Variants in CACNA1C observed in about 807,000 individuals in gnomAD.
The protein encoded by CACNA1C is voltage-dependent L-type calcium channel subunit alpha-1C.
A neutral mutation model predicts 229.0 loss-of-function variants in CACNA1C; 30 were observed. The observed-to-expected ratio is 0.13, with a 90% CI of 0.10 to 0.18. The LOEUF (loss-of-function observed/expected upper bound fraction) is 0.18, where lower values mean the gene tolerates loss of function less well. CACNA1C is among the 10% of genes least tolerant of loss of function. CACNA1C has a pLI of 1.00. For synonymous variants in CACNA1C, 1,114 were observed against 1,132.5 expected, an observed-to-expected ratio of 0.98 and a Z score of 0.33; for missense variants, 1,658 against 2,845.0, an observed-to-expected ratio of 0.58 and a Z score of 9.49.
At chr12:2,453,703 C>T (rs2099398742) in intron 4 of CACNA1C, among the ~76,000 whole-genome samples, 1 of 152,156 alleles carries the variant, frequency 6.6e-6, no homozygotes, top group South Asian at 2.1e-4. Flanking sequence ...TGTGCCCTCC[C>T]ATCCCCATAG....
rs2153372395 is a variant in CACNA1C at position 2,597,289 on chromosome 12, G to A, written c.2853G>A (p.Lys951=). The A allele has an allele frequency of 6.2e-7, 1 of 1,609,492 alleles. No individual in the cohort carries two copies. The highest frequency in any genetic ancestry group is 1.1e-5 in the South Asian group (1 of 90,948). Residue 951 remains lysine (K), a splice_region_variant and synonymous_variant, in exon 21 of 47, where the codon AAG becomes AAA. Coordinates refer to ENST00000399655, the MANE Select transcript of CACNA1C (RefSeq NM_000719.7). This position sits in a 1 kb window ranked among gnomAD's most constrained non-coding sequence, Gnocchi z 4.3. ...TTTTCACCATTGAAATTGCTCTGAAGGTAAAGCCCCCATCCCCTTCTGCTC... is the reference window on the plus strand; with the variant it reads ...TTTTCACCATTGAAATTGCTCTGAAAGTAAAGCCCCCATCCCCTTCTGCTC... ...TTIFTIEIAL[K]MTAYGAFLHK...
intron 3 of CACNA1C, among the ~76,000 whole-genome samples, chr12:2,447,933 G>A (rs4765680): frequency 0.16 from 25,009 of 152,314 alleles, 2,304 homozygotes; most frequent in Middle Eastern, 0.21. Context: ...GCCTATGCCC[G>A]AATGCAATGT....
chr12:2,312,972 C>T (rs543250699), intron 3 of CACNA1C, among the ~76,000 whole-genome samples: 1 of 152,328 alleles, frequency 6.6e-6, no homozygotes, highest in South Asian at 2.1e-4. Flanking sequence ...CTCCCTCACC[C>T]ACTGTCCTTC....
chr12:2,576,169 G>GGA (rs545717502), intron 13 of CACNA1C, among the ~76,000 whole-genome samples: 275 of 152,324 alleles, frequency 1.8e-3, no homozygotes, highest in Middle Eastern at 3.4e-3. Context: ...CAGATGTGCT[G>GGA]TACTTTTAAG....
chr12:2,564,634 C>G (rs1405369798), intron 11 of CACNA1C, among the ~76,000 whole-genome samples: 1 of 152,184 alleles, frequency 6.6e-6, no homozygotes, highest in Non-Finnish European at 1.5e-5. Context: ...TGGCCCTCCT[C>G]TGTGCTGCCC....
chr12:2,483,902 G>T (rs1226944685), intron 5 of CACNA1C, among the ~76,000 whole-genome samples: 1 of 152,186 alleles, frequency 6.6e-6, no homozygotes, highest in Non-Finnish European at 1.5e-5. Flanking sequence ...TGGAAAGCAG[G>T]TGTCTGTGCA....
intron 7 of CACNA1C, among the ~76,000 whole-genome samples, chr12:2,497,480 A>G (rs2099749073): frequency 6.6e-6 from 1 of 152,192 alleles, no homozygotes; most frequent in Non-Finnish European, 1.5e-5. Flanking sequence ...CTAGCTCTTT[A>G]GGAATCTCAA....
At position 1,971,424 on chromosome 12, in the gene CACNA1C, G is replaced by A. The variant is rs1051117289; in HGVS notation, c.139+223G>A. Among the ~76,000 whole-genome samples the A allele has an allele frequency of 3.9e-5, 6 of 152,108 alleles. No individual in the cohort carries two copies. Among genetic ancestry groups the A allele is most frequent in the African/African-American group, 1.4e-4 (6 of 41,412 alleles). Reference sequence around the variant, plus strand: ...CAATTGAAAAAAAGTGATGTTTGAGGCAACAGGCAATGCAATACTGCCTTT... The same window carrying A: ...CAATTGAAAAAAAGTGATGTTTGAGACAACAGGCAATGCAATACTGCCTTT... On this transcript the variant is annotated intron_variant, in intron 1 of 46. Transcript: ENST00000682462. This position sits in a 1 kb window ranked among gnomAD's most constrained non-coding sequence, Gnocchi z 4.2.
intron 3 of CACNA1C, among the ~76,000 whole-genome samples, chr12:2,219,508 T>TA (rs1467599153): frequency 4.6e-5 from 7 of 152,206 alleles, no homozygotes; most frequent in Non-Finnish European, 1.0e-4. Context: ...TCCATTTATT[T>TA]AAAAAAACTA....
chr12:2,440,582 C>T (rs1351282105), intron 3 of CACNA1C, among the ~76,000 whole-genome samples: 1 of 152,216 alleles, frequency 6.6e-6, no homozygotes, highest in Non-Finnish European at 1.5e-5. Context: ...CTGCTGCCCA[C>T]CCCTCCAGCC....
intron 4 of CACNA1C, among the ~76,000 whole-genome samples, chr12:2,450,347 G>A (rs1331180605): frequency 6.6e-5 from 10 of 151,920 alleles, no homozygotes; most frequent in Admixed American, 2.6e-4. Flanking sequence ...GAGGTCAGGA[G>A]ATCGAGACCA....
At chr12:2,298,275 G>A (rs2094244589) in intron 3 of CACNA1C, among the ~76,000 whole-genome samples, 1 of 152,172 alleles carries the variant, frequency 6.6e-6, no homozygotes, top group African/African-American at 2.4e-5. Context: ...TACAGCTCAA[G>A]TTTACAACGC....
intron 5 of CACNA1C, among the ~76,000 whole-genome samples, chr12:2,476,151 G>A (rs112041731): frequency 1.3e-5 from 2 of 152,228 alleles, no homozygotes; most frequent in Non-Finnish European, 2.9e-5. Flanking sequence ...GACGGCCATC[G>A]TGATGCAATC....
intron 3 of CACNA1C, among the ~76,000 whole-genome samples, chr12:2,254,614 G>C (rs1441422505): frequency 6.6e-6 from 1 of 152,108 alleles, no homozygotes; most frequent in Non-Finnish European, 1.5e-5. Context: ...CCTTCCTACT[G>C]CTCACCCCTG....
chr12:2,326,272 C>A (rs1220131896), intron 3 of CACNA1C, among the ~76,000 whole-genome samples: 2 of 152,204 alleles, frequency 1.3e-5, no homozygotes, highest in African/African-American at 2.4e-5. Flanking sequence ...AGGGAACGCG[C>A]TGATCTCATG....
rs1470175446 is a variant in CACNA1C at position 2,633,013 on chromosome 12, T to C, written c.3829-1284T>C. Among the ~76,000 whole-genome samples the C allele has an allele frequency of 6.6e-6, 1 of 152,208 alleles. No homozygotes were observed. Among genetic ancestry groups the C allele is most frequent in the African/African-American group, 2.4e-5 (1 of 41,456 alleles). On this transcript the variant is annotated intron_variant, in intron 29 of 46. Coordinates refer to ENST00000399655, the MANE Select transcript of CACNA1C (RefSeq NM_000719.7). This position sits in a 1 kb window ranked among gnomAD's most constrained non-coding sequence, Gnocchi z 5.8. Reference sequence around the variant, plus strand: ...ATTTGATCTGCAAGAGTTGCACTTATTATGGATCTTGTTTTAACAATTTGG... The same window carrying C: ...ATTTGATCTGCAAGAGTTGCACTTACTATGGATCTTGTTTTAACAATTTGG...
intron 5 of CACNA1C, among the ~76,000 whole-genome samples, chr12:2,483,788 G>A (rs573905518): frequency 6.6e-6 from 1 of 152,116 alleles, no homozygotes; most frequent in Non-Finnish European, 1.5e-5. Flanking sequence ...CAGCTGAAAT[G>A]ACGCCCACAA....
chr12:2,323,577 C>T (rs2096129402), intron 3 of CACNA1C, among the ~76,000 whole-genome samples: 1 of 152,184 alleles, frequency 6.6e-6, no homozygotes, highest in Non-Finnish European at 1.5e-5. Context: ...CTGCAGTGCC[C>T]ACACACTGAG....
chr12:2,396,439 A>C (rs1226129154), intron 3 of CACNA1C, among the ~76,000 whole-genome samples: 3 of 152,182 alleles, frequency 2.0e-5, no homozygotes, highest in Non-Finnish European at 2.9e-5. Flanking sequence ...GGTTGGGGGC[A>C]GAAAGGCGAT....
Sources: gnomAD v4.1 joint callset for allele counts (sites outside exome capture counted in the v4.1 genomes callset) on GRCh38, gnomAD v4.1.1 for gene constraint, Gnocchi (gnomAD v3.1) non-coding constraint, MANE v1.5 for transcripts, NCBI Gene and HGNC (gene_info 2026-07-23, HGNC 2026-07-21) for gene names.